The following PTPN14 variants were observed in gnomAD, a reference collection of about 807,000 sequenced individuals.
PTPN14 encodes tyrosine-protein phosphatase non-receptor type 14.
In PTPN14, 53 loss-of-function variants were observed where a neutral mutation model predicts 126.8. That is an observed-to-expected ratio of 0.42 (90% CI 0.34 to 0.53). The LOEUF is 0.53. Ranked by LOEUF, PTPN14 falls within the 20% of genes least tolerant of loss-of-function variation. The pLI is 0.08. For synonymous variants in PTPN14, 630 were observed against 599.3 expected (o/e 1.05, Z -0.75); for missense variants, 1,257 against 1,552.9 (o/e 0.81, Z 3.20).
chr1:214,542,969 TG>T (rs942569291), intron 1 of PTPN14, among the ~76,000 whole-genome samples: 1 of 152,062 alleles, frequency 6.6e-6, no homozygotes, highest in African/African-American at 2.4e-5. Context: ...GCTTGTGATT[TG>T]GGGGGGAATA....
intron 1 of PTPN14, among the ~76,000 whole-genome samples, chr1:214,498,359 A>G (rs1421958629): frequency 2.0e-5 from 3 of 152,220 alleles, no homozygotes; most frequent in Non-Finnish European, 2.9e-5. Context: ...TAAGAGCTGG[A>G]ATAATTGTGG....
chr1:214,382,853 C>G (rs2102535775), intron 13 of PTPN14, among the ~76,000 whole-genome samples: 1 of 152,320 alleles, frequency 6.6e-6, no homozygotes, highest in African/African-American at 2.4e-5. Flanking sequence ...AATCTGAATA[C>G]AAAGCTAGAC....
intron 3 of PTPN14, among the ~76,000 whole-genome samples, chr1:214,438,818 C>A (rs1010909133): frequency 2.0e-5 from 3 of 152,158 alleles, no homozygotes; most frequent in Non-Finnish European, 4.4e-5. Flanking sequence ...CAGTTTCCTG[C>A]TACCTTCTAG....
chr1:214,537,597 G>A (rs186849078), intron 1 of PTPN14, among the ~76,000 whole-genome samples: 14 of 152,298 alleles, frequency 9.2e-5, no homozygotes, highest in Admixed American at 9.2e-4. Flanking sequence ...ACTTGCACAC[G>A]GTAAGTACTA....
chr1:214,410,669 G>A (rs1187607587), intron 5 of PTPN14, among the ~76,000 whole-genome samples: 1 of 152,192 alleles, frequency 6.6e-6, no homozygotes, highest in Non-Finnish European at 1.5e-5. Flanking sequence ...TCCTCTGCAT[G>A]TAGATGGCCA....
intron 5 of PTPN14, among the ~76,000 whole-genome samples, chr1:214,406,514 A>G (rs115771752): frequency 0.019 from 2,923 of 152,226 alleles, 82 homozygotes; most frequent in African/African-American, 0.064. Flanking sequence ...AGCCAATGCA[A>G]TCTAGCAACT....
At chr1:214,498,855 C>G (rs1654610695) in intron 1 of PTPN14, among the ~76,000 whole-genome samples, 1 of 152,166 alleles carries the variant, frequency 6.6e-6, no homozygotes, top group Non-Finnish European at 1.5e-5. Context: ...GTTGCCCAAG[C>G]TGGAGTACAG....
At position 214,350,939 on chromosome 1, in the gene PTPN14, C is replaced by A. The variant is rs1657693671; in HGVS notation, c.*6983G>T. On this transcript the variant is annotated 3_prime_UTR_variant, in exon 19 of 19. Coordinates refer to ENST00000366956, the MANE Select transcript of PTPN14 (RefSeq NM_005401.5). Reference sequence around the variant, plus strand: ...AATAAGATTTCCTAATTACATATTTCTGAGAGGTTTAAGGCAATGATTCTC... The same window carrying A: ...AATAAGATTTCCTAATTACATATTTATGAGAGGTTTAAGGCAATGATTCTC... The A allele has an allele frequency of 6.6e-6, 1 of 151,752 alleles. No individual in the cohort carries two copies. The highest frequency in any genetic ancestry group is 1.5e-5 in the Non-Finnish European group (1 of 67,946). 9.4% of individuals were successfully genotyped at this position (151,752 alleles called of 1,614,324 possible).
At chr1:214,434,524 A>G (rs1208890600) in intron 3 of PTPN14, among the ~76,000 whole-genome samples, 1 of 152,230 alleles carries the variant, frequency 6.6e-6, no homozygotes, top group Non-Finnish European at 1.5e-5. Flanking sequence ...AGAAAAAAAA[A>G]AGAAAAGGCA....
rs1323081290 is a variant in PTPN14 at position 214,387,023 on chromosome 1, G to A, written c.988-101C>T. On this transcript the variant is annotated intron_variant, in intron 11 of 18. Transcript: ENST00000366956. ...CACGGCAGTCCCGCCACGTTGTAAG[G>A]GAGGCTCGTGGCAGCTGCTGTCCCT... 4.7e-6 allele frequency: 5 copies of A among 1,070,372 alleles called. No homozygotes were observed. In the East Asian group the frequency reaches 1.3e-4, roughly 28 times the overall value. 66.3% of individuals were successfully genotyped at this position (1,070,372 alleles called of 1,614,324 possible). A position where few individuals can be genotyped will look rare whatever the true frequency, so the allele number is the denominator to read the frequency against.
intron 1 of PTPN14, among the ~76,000 whole-genome samples, chr1:214,470,412 AG>A (rs1410220200): frequency 6.6e-6 from 1 of 152,148 alleles, no homozygotes; most frequent in African/African-American, 2.4e-5. Flanking sequence ...TATAAAGAAA[AG>A]TAGCCTGGGA....
chr1:214,385,575 G>GCCCAACCTGATTGA (rs1571965193), intron 12 of PTPN14, among the ~76,000 whole-genome samples: 1 of 151,410 alleles, frequency 6.6e-6, no homozygotes, highest in African/African-American at 2.4e-5. Context: ...CTACAATCAG[G>GCCCAACCTGATTGA]TGTCTGGTGT....
intron 1 of PTPN14, among the ~76,000 whole-genome samples, chr1:214,527,163 G>A (rs1196907872): frequency 1.3e-5 from 2 of 151,874 alleles, no homozygotes; most frequent in Non-Finnish European, 2.9e-5. Context: ...TGGCAGGAAA[G>A]CCCCCACCTT....
chr1:214,378,282 AC>A (rs1658391539), intron 13 of PTPN14, among the ~76,000 whole-genome samples, 180 bp from the exon 14 acceptor site: 1 of 152,222 alleles, frequency 6.6e-6, no homozygotes, highest in African/African-American at 2.4e-5. Context: ...GCCAGTTCCT[AC>A]AGGACTCCTG....
chr1:214,382,487 G>A (rs987489844), intron 13 of PTPN14, among the ~76,000 whole-genome samples: 2 of 152,060 alleles, frequency 1.3e-5, no homozygotes, highest in African/African-American at 4.8e-5. Context: ...ATGTCTGGCT[G>A]GTTCTTTTTT....
intron 1 of PTPN14, among the ~76,000 whole-genome samples, chr1:214,490,534 T>C (rs1661205902): frequency 6.6e-6 from 1 of 152,052 alleles, no homozygotes; most frequent in South Asian, 2.1e-4. Context: ...GAATTCACAG[T>C]TATATTTGTG....
chr1:214,492,821 T>C (rs1387355079), intron 1 of PTPN14, among the ~76,000 whole-genome samples: 2 of 151,212 alleles, frequency 1.3e-5, no homozygotes, highest in Non-Finnish European at 2.9e-5. Context: ...GGCACGAGAA[T>C]TGCAAGGCAG....
At chr1:214,434,184 G>A (rs1266140812) in intron 3 of PTPN14, among the ~76,000 whole-genome samples, 1 of 151,982 alleles carries the variant, frequency 6.6e-6, no homozygotes, top group Non-Finnish European at 1.5e-5. Flanking sequence ...GAGCTGTATT[G>A]CACAGCAAAT....
chr1:214,536,639 G>A (rs1402675092), intron 1 of PTPN14, among the ~76,000 whole-genome samples: 1 of 151,940 alleles, frequency 6.6e-6, no homozygotes, highest in African/African-American at 2.4e-5. Flanking sequence ...TAAAAAATTA[G>A]CTGGGCATGG....
Sources: allele counts gnomAD v4.1 joint callset (sites outside exome capture counted in the v4.1 genomes callset), GRCh38; gene constraint gnomAD v4.1.1; transcripts MANE v1.5; gene names NCBI Gene and HGNC (gene_info 2026-07-23, HGNC 2026-07-21).